The following RBFOX3 variants were observed in gnomAD, a reference collection of about 807,000 sequenced individuals.
The protein encoded by RBFOX3 is RNA binding fox-1 homolog 3.
RBFOX3 carries 17 observed loss-of-function variants against 48.7 expected under a neutral mutation model. The ratio of observed to expected loss-of-function variants is 0.35; its 90% confidence interval spans 0.24 to 0.52. The LOEUF is 0.52. RBFOX3 is among the 20% of genes least tolerant of loss of function. RBFOX3 has a pLI of 0.94. For synonymous variants in RBFOX3, 212 were observed against 209.5 expected (o/e 1.01, Z -0.10); for missense variants, 382 against 497.5 (o/e 0.77, Z 2.21).
chr17:79,413,505 C>T (rs1328394271), intron 2 of RBFOX3, among the ~76,000 whole-genome samples: 2 of 152,272 alleles, frequency 1.3e-5, no homozygotes, highest in Non-Finnish European at 2.9e-5. Context: ...AGCATCCCCG[C>T]TCCCACCCAG....
chr17:79,664,454 C>G, the RBFOX3 span, among the ~76,000 whole-genome samples: 1 of 152,040 alleles, frequency 6.6e-6, no homozygotes, highest in East Asian at 1.9e-4. Flanking sequence ...TCACGCCATT[C>G]TCCTGCCTCA....
intron 4 of RBFOX3, among the ~76,000 whole-genome samples, chr17:79,189,088 T>G (rs999906468): frequency 6.6e-6 from 1 of 152,230 alleles, no homozygotes. Flanking sequence ...TTGCTTAAAC[T>G]TCCCAGGAAC....
At chr17:79,221,380 G>C (rs559040260) in intron 4 of RBFOX3, among the ~76,000 whole-genome samples, 196 of 152,388 alleles carry the variant, frequency 1.3e-3, no homozygotes, top group Middle Eastern at 6.8e-3. Flanking sequence ...GTTAGTGTTG[G>C]GGTGGCTGCA....
chr17:79,178,441 G>C (rs567444218), intron 4 of RBFOX3, among the ~76,000 whole-genome samples: 1 of 152,172 alleles, frequency 6.6e-6, no homozygotes, highest in Non-Finnish European at 1.5e-5. Flanking sequence ...CTGAATCTTC[G>C]TTGTTCAGGA....
At chr17:79,518,957 G>T (rs1180433231) in intron 1 of RBFOX3, among the ~76,000 whole-genome samples, 1 of 152,354 alleles carries the variant, frequency 6.6e-6, no homozygotes, top group Non-Finnish European at 1.5e-5. Flanking sequence ...AGGCGGCCAC[G>T]GCCAGGAACG....
intron 1 of RBFOX3, among the ~76,000 whole-genome samples, chr17:79,589,786 T>TG (rs1160159524): frequency 6.6e-6 from 1 of 151,996 alleles, no homozygotes; most frequent in Non-Finnish European, 1.5e-5. Context: ...CGTCCCACCA[T>TG]GGGGGGTCTG....
chr17:79,624,754 G>A, the RBFOX3 span, among the ~76,000 whole-genome samples: 19 of 152,094 alleles, frequency 1.2e-4, no homozygotes, highest in Non-Finnish European at 2.5e-4. Context: ...GCCTGCAGAC[G>A]CCTCTCCCAT....
At chr17:79,440,059 A>C (rs1555733836) in intron 2 of RBFOX3, among the ~76,000 whole-genome samples, 1 of 152,146 alleles carries the variant, frequency 6.6e-6, no homozygotes, top group Non-Finnish European at 1.5e-5. Context: ...GCCAGAGGGC[A>C]CTTGGGGGGA....
chr17:79,171,066 C>T (rs1568275682), intron 4 of RBFOX3, among the ~76,000 whole-genome samples: 1 of 152,242 alleles, frequency 6.6e-6, no homozygotes, highest in Non-Finnish European at 1.5e-5. Context: ...GAGCTGTCCA[C>T]TTCAGCAGCC....
chr17:79,353,954 A>G (rs1542394), intron 2 of RBFOX3, among the ~76,000 whole-genome samples: 149,526 of 152,300 alleles, frequency 0.98, 73,460 homozygotes, highest in East Asian at 1. Flanking sequence ...CTCTCTCAGG[A>G]GATCTTCCCT....
At chr17:79,600,192 CAT>C (rs2093672579) in intron 1 of RBFOX3, 1 of 152,300 alleles carries the variant, frequency 6.6e-6, no homozygotes, top group African/African-American at 2.4e-5. Context: ...ATGACACACA[CAT>C]GTGCTCACAC....
At chr17:79,091,883 A>T (rs2073979579) in intron 14 of RBFOX3, 1 of 836,540 alleles carries the variant, frequency 1.2e-6, no homozygotes, top group Non-Finnish European at 1.4e-6. Flanking sequence ...GGAGTCGCAG[A>T]GACTGGCGTG....
intron 1 of RBFOX3, among the ~76,000 whole-genome samples, chr17:79,555,409 G>C (rs1468181768): frequency 1.6e-5 from 2 of 123,226 alleles, no homozygotes; most frequent in Non-Finnish European, 3.2e-5. Flanking sequence ...GATGATGGTA[G>C]TTGTGGTGGT....
chr17:79,627,162 G>A, the RBFOX3 span, among the ~76,000 whole-genome samples: 2 of 152,222 alleles, frequency 1.3e-5, no homozygotes, highest in African/African-American at 4.8e-5. Flanking sequence ...CAGGGAATGT[G>A]CCCTCTGAGG....
intron 4 of RBFOX3, among the ~76,000 whole-genome samples, chr17:79,117,525 G>A (rs1204387765): frequency 1.3e-5 from 2 of 152,206 alleles, no homozygotes; most frequent in South Asian, 2.1e-4. Flanking sequence ...TCTTTCTCCC[G>A]CTTCCCTCCA....
intron 2 of RBFOX3, among the ~76,000 whole-genome samples, chr17:79,478,385 G>C (rs1474201982): frequency 6.6e-6 from 1 of 152,176 alleles, no homozygotes; most frequent in East Asian, 1.9e-4. Context: ...CCCATGGCGT[G>C]TGCGGCAGCT....
chr17:79,660,787 C>T, the RBFOX3 span, among the ~76,000 whole-genome samples: 1 of 152,048 alleles, frequency 6.6e-6, no homozygotes, highest in East Asian at 1.9e-4. Context: ...GAGTATATAC[C>T]CAAAGGAATA....
rs1325088270 is a variant in RBFOX3 at position 79,423,658 on chromosome 17, G to GC, written c.-175+58795dup. On this transcript the variant is annotated intron_variant, in intron 2 of 14. Coordinates refer to ENST00000693108, the MANE Select transcript of RBFOX3 (RefSeq NM_001350451.2). This position sits in a 1 kb window ranked among gnomAD's most constrained non-coding sequence, Gnocchi z 4.9. ...CATTTGCTTTTTCCCAGGAATGCCT[G>GC]CCCCCCCGACCACCCCGTGCCCACA... is the stretch of plus-strand genomic sequence containing the variant. 14 of 152,246 alleles carry GC rather than the reference G, an allele frequency of 9.2e-5. No homozygotes were observed. The highest frequency in any genetic ancestry group is 5.9e-5 in the Non-Finnish European group (4 of 67,900). 9.4% of individuals were successfully genotyped at this position (152,246 alleles called of 1,614,324 possible).
intron 1 of RBFOX3, among the ~76,000 whole-genome samples, chr17:79,540,810 G>A (rs1555790052): frequency 2.0e-5 from 3 of 152,248 alleles, no homozygotes; most frequent in Non-Finnish European, 4.4e-5. Flanking sequence ...AAGCATTTCT[G>A]AGAGTTTAGG....
Sources: gnomAD v4.1 joint callset for allele counts (sites outside exome capture counted in the v4.1 genomes callset) on GRCh38, gnomAD v4.1.1 for gene constraint, Gnocchi (gnomAD v3.1) non-coding constraint, MANE v1.5 for transcripts, NCBI Gene and HGNC (gene_info 2026-07-23, HGNC 2026-07-21) for gene names.